Variants in CHD6 observed in about 807,000 individuals in gnomAD.
CHD6 encodes the protein ATP-dependent chromatin remodeler CHD6.
Under a neutral mutation model 276.9 loss-of-function variants are expected in CHD6, and 50 were observed. That is an observed-to-expected ratio of 0.18 (90% CI 0.14 to 0.23). The LOEUF (loss-of-function observed/expected upper bound fraction) is 0.23, where lower values mean the gene tolerates loss of function less well. Ranked by LOEUF, CHD6 falls within the 10% of genes least tolerant of loss-of-function variation. The pLI is 1.00. For missense variants in CHD6, 2,564 were observed against 3,365.8 expected (o/e 0.76, Z 5.89); for synonymous variants, 1,173 against 1,229.3 (o/e 0.95, Z 0.96).
chr20:41,606,674 C>CAAAAAA (rs10631069), intron 1 of CHD6, among the ~76,000 whole-genome samples: 1 of 132,738 alleles, frequency 7.5e-6, no homozygotes, highest in Admixed American at 7.6e-5. Context: ...GACTCCATCT[C>CAAAAAA]AAAAAAAAAA....
In CHD6 at chr20:41,421,292, C is replaced by G. The variant is rs1263484668; in HGVS notation, c.5343G>C (p.Leu1781Phe). 6.2e-7 allele frequency: 1 copy of G among 1,614,004 alleles called. No individual in the cohort carries two copies. Among genetic ancestry groups the G allele is most frequent in the African/African-American group, 1.3e-5 (1 of 74,920 alleles). The change falls in exon 31 of 37, where the codon TTG (leucine) becomes TTC (phenylalanine). Residue 1781 changes from leucine (L) to phenylalanine (F), a missense_variant. By Grantham distance (22) the Leu-to-Phe change is conservative. This residue lies in a region of CHD6 where 1,024 missense variants were observed against 1,047.9 expected (regional missense o/e 0.98). Coordinates refer to ENST00000373233, the MANE Select transcript of CHD6 (RefSeq NM_032221.5). ...GCTCCCCTTCCTTTGAAATAGACATCAACAAATGTTTTCCATTTTTGATGT... is the reference window on the plus strand; with the variant it reads ...GCTCCCCTTCCTTTGAAATAGACATGAACAAATGTTTTCCATTTTTGATGT... ...QANIKNGKHLLMSISKEGELC... is the reference protein window; with the variant it reads ...QANIKNGKHLFMSISKEGELC...
At chr20:41,454,811 G>A (rs747927416) in intron 19 of CHD6, 75 bp from the exon 20 acceptor site, 100 of 972,280 alleles carry the variant, frequency 1.0e-4, no homozygotes, top group Non-Finnish European at 1.5e-4. Flanking sequence ...GTTACTTCAA[G>A]AGAAACCTAA....
At chr20:41,527,808 G>C (rs886973301) in intron 3 of CHD6, among the ~76,000 whole-genome samples, 1 of 152,148 alleles carries the variant, frequency 6.6e-6, no homozygotes, top group African/African-American at 2.4e-5. Context: ...TCGGGGGTTG[G>C]GGTCTAATAA....
At chr20:41,432,611 C>G (rs932253091) in intron 27 of CHD6, among the ~76,000 whole-genome samples, 8 of 152,086 alleles carry the variant, frequency 5.3e-5, no homozygotes, top group Admixed American at 1.3e-4. Context: ...CTCTGTTCCC[C>G]TGCCAAGAAA....
intron 13 of CHD6, 73 bp from the exon 14 acceptor site, chr20:41,487,881 A>G: frequency 2.6e-6 from 4 of 1,525,884 alleles, no homozygotes; most frequent in Non-Finnish European, 3.5e-6. Context: ...GGGAAAATTA[A>G]GCCAGGGCAT....
At chr20:41,428,108 C>A (rs189882162) in intron 27 of CHD6, among the ~76,000 whole-genome samples, 1 of 152,320 alleles carries the variant, frequency 6.6e-6, no homozygotes, top group Non-Finnish European at 1.5e-5. Context: ...CCCTTCCAGT[C>A]CACCTAGTAG....
Position 41,501,953 on chromosome 20 carries a change from C to G in CHD6, c.853-2596G>C, listed in dbSNP as rs528737841. Among the ~76,000 whole-genome samples, 8 of 152,178 alleles carry G rather than the reference C, an allele frequency of 5.3e-5. 1 individual carries two copies. Among genetic ancestry groups the G allele is most frequent in the African/African-American group, 1.7e-4 (7 of 41,542 alleles). On this transcript the variant is annotated intron_variant, in intron 5 of 36. Coordinates refer to ENST00000373233, the MANE Select transcript of CHD6 (RefSeq NM_032221.5). ...ACATTTGGATATCCTCTTTTGTGAA[C>G]CTCCTATTCAAGTCATTTGCCTATT... is the stretch of plus-strand genomic sequence containing the variant.
Position 41,452,276 on chromosome 20 carries a change from A to G in CHD6, c.3324-251T>C, listed in dbSNP as rs2048261710. 6.6e-6 allele frequency among the ~76,000 whole-genome samples: 1 copy of G among 152,220 alleles called. No individual in the cohort carries two copies. ...CCACTACAATGTTAAAAAGGGAGGG[A>G]CCAAACTACTGGGAGCAGGGAATAA... is the stretch of plus-strand genomic sequence containing the variant. On this transcript the variant is annotated intron_variant, in intron 21 of 36. Transcript: ENST00000373233. The surrounding 1 kb of genome is among the most constrained non-coding windows in gnomAD (Gnocchi z 4.2).
In CHD6 at chr20:41,403,032, C is replaced by T; in HGVS notation, c.*1561G>A. The T allele has an allele frequency of 4.7e-6, 1 of 213,202 alleles. No homozygotes were observed. Among genetic ancestry groups the T allele is most frequent in the Non-Finnish European group, 9.5e-6 (1 of 105,784 alleles). 13.2% of individuals were successfully genotyped at this position (213,202 alleles called of 1,614,324 possible). A position where few individuals can be genotyped will look rare whatever the true frequency, so the allele number is the denominator to read the frequency against. On this transcript the variant is annotated 3_prime_UTR_variant, in exon 37 of 37. Coordinates refer to ENST00000373233, the MANE Select transcript of CHD6 (RefSeq NM_032221.5). ...TGATTTAACAGACTTCTTTGAGATG[C>T]TCATTTTAACATTTACATAATTTAT... is the stretch of plus-strand genomic sequence containing the variant.
chr20:41,511,541 A>C (rs1167931795), intron 5 of CHD6, among the ~76,000 whole-genome samples: 1 of 151,988 alleles, frequency 6.6e-6, no homozygotes, highest in African/African-American at 2.4e-5. Context: ...TAGTGGTCCT[A>C]CTCCTCTGCC....
At chr20:41,490,910 C>A (rs1057388646) in intron 11 of CHD6, among the ~76,000 whole-genome samples, 9 of 152,024 alleles carry the variant, frequency 5.9e-5, no homozygotes, top group African/African-American at 1.5e-4. Flanking sequence ...ATGTAACAAA[C>A]CTGCATATCT....
rs140993103 is a variant in CHD6 at position 41,526,109 on chromosome 20, C to T, written c.554+6941G>A. On this transcript the variant is annotated intron_variant, in intron 3 of 36. Coordinates refer to ENST00000373233, the MANE Select transcript of CHD6 (RefSeq NM_032221.5). ...TCCTTACAGATTTGGTAAAGGTCTA[C>T]TATGCACCAGGCCACAGAGTAAGCA... Among the ~76,000 whole-genome samples, 961 of 152,030 alleles carry T rather than the reference C, an allele frequency of 6.3e-3. 2 individuals are homozygous for T. Among genetic ancestry groups the T allele is most frequent in the Non-Finnish European group, 0.011 (775 of 67,992 alleles).
intron 1 of CHD6, among the ~76,000 whole-genome samples, chr20:41,574,182 G>A (rs920588357): frequency 1.3e-5 from 2 of 150,736 alleles, no homozygotes; most frequent in African/African-American, 4.9e-5. Context: ...AGGGGGTGGG[G>A]AGAGGGAGAG....
intron 2 of CHD6, among the ~76,000 whole-genome samples, chr20:41,544,562 C>T (rs910565951): frequency 4.6e-5 from 7 of 151,660 alleles, no homozygotes; most frequent in South Asian, 2.1e-4. Flanking sequence ...ATGCTAGTGA[C>T]GTATTTGATA....
At chr20:41,518,196 T>C (rs2145989617) in intron 3 of CHD6, among the ~76,000 whole-genome samples, 1 of 152,362 alleles carries the variant, frequency 6.6e-6, no homozygotes, top group East Asian at 1.9e-4. Context: ...GAAATCAATT[T>C]CATCTACTTA....
intron 1 of CHD6, among the ~76,000 whole-genome samples, chr20:41,563,328 T>C (rs2045322354): frequency 6.6e-6 from 1 of 152,244 alleles, no homozygotes; most frequent in African/African-American, 2.4e-5. Flanking sequence ...CCTCTGGCTA[T>C]TCAAAGTAAT....
At chr20:41,586,583 C>A (rs534667775) in intron 1 of CHD6, among the ~76,000 whole-genome samples, 2 of 152,170 alleles carry the variant, frequency 1.3e-5, no homozygotes, top group Non-Finnish European at 2.9e-5. Context: ...AGCGGCCCAC[C>A]ACCATCTTGG....
At chr20:41,508,089 G>A (rs2044019536) in intron 5 of CHD6, among the ~76,000 whole-genome samples, 1 of 152,174 alleles carries the variant, frequency 6.6e-6, no homozygotes, top group Admixed American at 6.5e-5. Flanking sequence ...TTCAGAAAGT[G>A]AAAACAGCAT....
intron 17 of CHD6, chr20:41,461,902 G>A (rs2048561325): frequency 6.6e-6 from 1 of 152,220 alleles, no homozygotes; most frequent in South Asian, 2.1e-4. Context: ...GTGCACAGCA[G>A]GGCCACCAGG....
Sources: gnomAD v4.1 joint callset for allele counts (sites outside exome capture counted in the v4.1 genomes callset) on GRCh38, gnomAD v4.1.1 for gene constraint, gnomAD v4.1.1 regional missense constraint, Gnocchi (gnomAD v3.1) non-coding constraint, MANE v1.5 for transcripts, NCBI Gene and HGNC (gene_info 2026-07-23, HGNC 2026-07-21) for gene names.